Variants in UBE2W observed in about 807,000 individuals in gnomAD.
UBE2W encodes the protein ubiquitin-conjugating enzyme E2 W.
In UBE2W, 18 loss-of-function variants were observed where a neutral mutation model predicts 27.2. The ratio of observed to expected loss-of-function variants is 0.66; its 90% CI spans 0.46 to 0.98. The LOEUF (loss-of-function observed/expected upper bound fraction) is 0.98, where lower values mean the gene tolerates loss of function less well. UBE2W is among the 50% of genes least tolerant of loss of function. The probability of loss-of-function intolerance (pLI) is 0.00; values close to 1 mark genes in which losing one functional copy is unlikely to be tolerated. For synonymous variants in UBE2W, 53 were observed against 57.2 expected (o/e 0.93, Z 0.33); for missense variants, 90 against 180.2 (o/e 0.50, Z 2.87).
intron 1 of UBE2W, among the ~76,000 whole-genome samples, chr8:73,866,580 C>T (rs573272167): frequency 6.6e-6 from 1 of 151,462 alleles, no homozygotes; most frequent in Non-Finnish European, 1.5e-5. Context: ...AATGTAAAAG[C>T]CAGAATTATT....
chr8:73,813,504 A>G (rs1005497525), intron 3 of UBE2W, among the ~76,000 whole-genome samples: 3 of 152,244 alleles, frequency 2.0e-5, no homozygotes, highest in Admixed American at 6.5e-5. Context: ...AACATACTGC[A>G]TGCAGGGCAA....
chr8:73,857,072 A>T (rs1413540686), intron 1 of UBE2W, among the ~76,000 whole-genome samples: 1 of 152,204 alleles, frequency 6.6e-6, no homozygotes, highest in East Asian at 1.9e-4. Context: ...GCCCAAATAC[A>T]CACATAATAA....
At chr8:73,782,169 G>A (rs937287662), downstream of UBE2W, among the ~76,000 whole-genome samples, 4 of 151,426 alleles carry the variant, frequency 2.6e-5, no homozygotes, top group Non-Finnish European at 5.9e-5. Context: ...GAATGGTCTC[G>A]ATCTCTTGAC....
chr8:73,797,046 A>T (rs1808451177), intron 5 of UBE2W, among the ~76,000 whole-genome samples: 1 of 152,182 alleles, frequency 6.6e-6, no homozygotes, highest in Non-Finnish European at 1.5e-5. Flanking sequence ...TTAACCATTT[A>T]TATTTTTCCT....
chr8:73,866,106 T>C (rs1811744600), intron 1 of UBE2W, among the ~76,000 whole-genome samples: 1 of 151,090 alleles, frequency 6.6e-6, no homozygotes, highest in Admixed American at 6.6e-5. Context: ...TGAAACCCCG[T>C]CTAAAAATAC....
At chr8:73,810,655 A>C in intron 3 of UBE2W, 26 bp from the exon 4 acceptor site, 1 of 1,514,206 alleles carries the variant, frequency 6.6e-7, no homozygotes, top group South Asian at 1.3e-5. Context: ...ATTCCATTAA[A>C]ACTCAAATAT....
intron 5 of UBE2W, among the ~76,000 whole-genome samples, chr8:73,798,807 T>C (rs940120611): frequency 6.6e-6 from 1 of 152,212 alleles, no homozygotes; most frequent in Non-Finnish European, 1.5e-5. Context: ...TATTGGTGCA[T>C]AGAACTGTAT....
chr8:73,875,258 G>A (rs1040363680), intron 1 of UBE2W, among the ~76,000 whole-genome samples: 5 of 152,180 alleles, frequency 3.3e-5, no homozygotes, highest in African/African-American at 1.2e-4. Flanking sequence ...ATTTACAGGT[G>A]TGCCAGAATA....
chr8:73,838,402 C>A (rs1376638121), intron 1 of UBE2W, among the ~76,000 whole-genome samples: 1 of 152,112 alleles, frequency 6.6e-6, no homozygotes, highest in Non-Finnish European at 1.5e-5. Flanking sequence ...AAAATCTCTA[C>A]TCTAGATCAC....
chr8:73,829,612 C>T (rs1035872620), intron 2 of UBE2W, among the ~76,000 whole-genome samples: 16 of 150,900 alleles, frequency 1.1e-4, no homozygotes, highest in African/African-American at 1.5e-4. Flanking sequence ...TACATCCATT[C>T]GTAATATGCT....
At chr8:73,785,845 T>TAC (rs1411292452), downstream of UBE2W, among the ~76,000 whole-genome samples, 1 of 152,256 alleles carries the variant, frequency 6.6e-6, no homozygotes, top group Non-Finnish European at 1.5e-5. Context: ...GTACTGGGAT[T>TAC]ACAGGCGTAA....
intron 1 of UBE2W, chr8:73,870,392 GA>G (rs573042877): frequency 0.076 from 59,426 of 783,024 alleles, no homozygotes; most frequent in South Asian, 0.12. Context: ...CTAGAAATCA[GA>G]AAAAAAAAAA....
At chr8:73,794,405 G>A (rs1273887753) in intron 5 of UBE2W, among the ~76,000 whole-genome samples, 1 of 152,202 alleles carries the variant, frequency 6.6e-6, no homozygotes, top group Non-Finnish European at 1.5e-5. Context: ...TAGTCAGGAT[G>A]TATCAATCTT....
chr8:73,838,004 T>C (rs1330902776), intron 1 of UBE2W, among the ~76,000 whole-genome samples: 2 of 152,214 alleles, frequency 1.3e-5, no homozygotes, highest in East Asian at 1.9e-4. Context: ...ATCTCAAATC[T>C]GGAGAAAACC....
intron 5 of UBE2W, among the ~76,000 whole-genome samples, chr8:73,803,515 C>T (rs2130860278): frequency 6.6e-6 from 1 of 152,140 alleles, no homozygotes; most frequent in African/African-American, 2.4e-5. Flanking sequence ...CTTTGTTCTT[C>T]TCATCTACTA....
intron 2 of UBE2W, among the ~76,000 whole-genome samples, chr8:73,827,374 C>T (rs1013630003): frequency 7.2e-5 from 11 of 151,932 alleles, no homozygotes; most frequent in African/African-American, 1.9e-4. Context: ...CCACCACACC[C>T]GGCTAATTTT....
At chr8:73,805,470 A>AC (rs1432058788) in intron 5 of UBE2W, among the ~76,000 whole-genome samples, 181 bp downstream of exon 5, 7 of 139,442 alleles carry the variant, frequency 5.0e-5, no homozygotes, top group African/African-American at 1.1e-4. Flanking sequence ...AAAAAAAAAA[A>AC]ACAAAAAAAA....
At chr8:73,837,474 C>G (rs974322432) in intron 1 of UBE2W, among the ~76,000 whole-genome samples, 3 of 151,872 alleles carry the variant, frequency 2.0e-5, no homozygotes, top group Admixed American at 1.3e-4. Flanking sequence ...GATCGTGCCA[C>G]TGCACTCAAG....
rs1808191813 is a variant in UBE2W at position 73,791,437 on chromosome 8, C to T, written c.*2665G>A. 2.0e-6 allele frequency: 2 copies of T among 985,102 alleles called. No individual in the cohort carries two copies. Among genetic ancestry groups the T allele is most frequent in the Non-Finnish European group, 2.4e-6 (2 of 829,762 alleles). The allele number at this position is 985,102 out of a possible 1,614,324, so 61.0% of individuals were successfully genotyped here. A position where few individuals can be genotyped will look rare whatever the true frequency, so the allele number is the denominator to read the frequency against. On this transcript the variant is annotated 3_prime_UTR_variant, in exon 6 of 6. Transcript: ENST00000602593. Reference sequence around the variant, plus strand: ...TACCTTATCTTCTAAGTATGAAAGTCTAATTCTGTAGGCCTATGTCGCAAA... The same window carrying T: ...TACCTTATCTTCTAAGTATGAAAGTTTAATTCTGTAGGCCTATGTCGCAAA...
Sources: gnomAD v4.1 joint callset for allele counts (sites outside exome capture counted in the v4.1 genomes callset) on GRCh38, gnomAD v4.1.1 for gene constraint, MANE v1.5 for transcripts, NCBI Gene and HGNC (gene_info 2026-07-23, HGNC 2026-07-21) for gene names.